Variants in NCKAP5 observed in about 807,000 individuals in gnomAD.
NCKAP5 encodes the protein NCK associated protein 5.
A neutral mutation model predicts 167.0 loss-of-function variants in NCKAP5; 92 were observed. The ratio of observed to expected loss-of-function variants is 0.55; its 90% confidence interval spans 0.47 to 0.66. The LOEUF is 0.66. Ranked by LOEUF, NCKAP5 falls within the 30% of genes least tolerant of loss-of-function variation. NCKAP5 has a pLI of 0.00. For synonymous variants in NCKAP5, 891 were observed against 877.4 expected (o/e 1.02, Z -0.27); for missense variants, 2,378 against 2,315.0 (o/e 1.03, Z -0.56).
intron 10 of NCKAP5, among the ~76,000 whole-genome samples, chr2:132,862,296 A>T (rs1689974318): frequency 6.6e-6 from 1 of 152,254 alleles, no homozygotes; most frequent in South Asian, 2.1e-4. Context: ...AAGGGGGCAA[A>T]GAAACAGGCC....
At chr2:133,073,158 C>G (rs2080476128) in intron 6 of NCKAP5, among the ~76,000 whole-genome samples, 1 of 151,994 alleles carries the variant, frequency 6.6e-6, no homozygotes. Context: ...AACAGAAAAT[C>G]AAGGAAATCC....
At chr2:133,603,030 C>A in the NCKAP5 span, among the ~76,000 whole-genome samples, 1 of 152,090 alleles carries the variant, frequency 6.6e-6, no homozygotes, top group Non-Finnish European at 1.5e-5. Flanking sequence ...CCCTCACATA[C>A]ACAAGGATGA....
At chr2:133,012,011 C>T (rs953307313) in intron 6 of NCKAP5, among the ~76,000 whole-genome samples, 5 of 152,132 alleles carry the variant, frequency 3.3e-5, no homozygotes, top group Admixed American at 6.5e-5. Flanking sequence ...CTCTTCATAG[C>T]TGTTTTTATC....
intron 3 of NCKAP5, among the ~76,000 whole-genome samples, chr2:133,513,214 A>G (rs73003147): frequency 0.12 from 17,767 of 152,230 alleles, 1,925 homozygotes; most frequent in African/African-American, 0.28. Context: ...AAGGTATGGG[A>G]AAAGAAAAGG....
chr2:133,062,112 A>G (rs2080028073), intron 6 of NCKAP5, among the ~76,000 whole-genome samples: 2 of 152,364 alleles, frequency 1.3e-5, no homozygotes, highest in Admixed American at 6.5e-5. Flanking sequence ...TGCTATCCAT[A>G]GCCCTAGATG....
chr2:133,158,878 G>C (rs947026352), intron 5 of NCKAP5, among the ~76,000 whole-genome samples: 1 of 150,446 alleles, frequency 6.6e-6, no homozygotes, highest in Non-Finnish European at 1.5e-5. Context: ...GGTCAAAAGG[G>C]AGAGGGAATA....
At chr2:132,722,286 C>T (rs1689997973) in intron 19 of NCKAP5, among the ~76,000 whole-genome samples, 1 of 152,212 alleles carries the variant, frequency 6.6e-6, no homozygotes, top group Admixed American at 6.5e-5. Context: ...TCCTCCCCCT[C>T]CATTCCTACT....
chr2:133,516,700 T>G (rs1447468117), intron 3 of NCKAP5, among the ~76,000 whole-genome samples: 1 of 152,092 alleles, frequency 6.6e-6, no homozygotes, highest in Non-Finnish European at 1.5e-5. Flanking sequence ...CATATACAAG[T>G]GAATAAAGCA....
chr2:133,152,174 G>T (rs2083405489), intron 5 of NCKAP5, among the ~76,000 whole-genome samples: 1 of 152,092 alleles, frequency 6.6e-6, no homozygotes, highest in Non-Finnish European at 1.5e-5. Context: ...CTTTTAAAAG[G>T]TCTTTTGATC....
chr2:133,338,618 C>T (rs148325520), intron 3 of NCKAP5, among the ~76,000 whole-genome samples: 1 of 152,264 alleles, frequency 6.6e-6, no homozygotes, highest in African/African-American at 2.4e-5. Flanking sequence ...ATGGTGTTAT[C>T]AAGACTAAAA....
At chr2:133,500,574 G>C (rs1682415335) in intron 3 of NCKAP5, among the ~76,000 whole-genome samples, 1 of 152,164 alleles carries the variant, frequency 6.6e-6, no homozygotes, top group South Asian at 2.1e-4. Flanking sequence ...CAGCAAAACA[G>C]CACCCCTAAA....
rs563288553 is a variant in NCKAP5 at position 133,283,278 on chromosome 2, G to A, written c.143+19759C>T. 3.9e-5 allele frequency among the ~76,000 whole-genome samples: 6 copies of A among 152,288 alleles called. No individual in the cohort carries two copies. In the East Asian group the frequency reaches 1.2e-3, roughly 29 times the overall value. On this transcript the variant is annotated intron_variant, in intron 4 of 19. Transcript: ENST00000409261. ...TAAGATTGACCATTTGAAGGAGGTA[G>A]AGGAGAAATAGTTTTTTTTTAAAAG...
In NCKAP5 at chr2:132,982,084, G is replaced by A. The variant is rs563917882; in HGVS notation, c.429+12068C>T. Among the ~76,000 whole-genome samples the A allele has an allele frequency of 2.0e-5, 3 of 152,354 alleles. No homozygotes were observed. The South Asian group carries it at 6.2e-4, about 32-fold the overall frequency. Reference sequence around the variant, plus strand: ...ACTGGCCATAGAAGTACAGTAAGGTGAGGCAGGAAGAATTTGGCTATGTGA... The same window carrying A: ...ACTGGCCATAGAAGTACAGTAAGGTAAGGCAGGAAGAATTTGGCTATGTGA... On this transcript the variant is annotated intron_variant, in intron 7 of 19. Coordinates refer to ENST00000409261, the MANE Select transcript of NCKAP5 (RefSeq NM_207363.3).
At chr2:133,160,941 C>T (rs942838462) in intron 5 of NCKAP5, among the ~76,000 whole-genome samples, 53 of 152,226 alleles carry the variant, frequency 3.5e-4, no homozygotes, top group African/African-American at 1.2e-3. Flanking sequence ...GTGTCCCCAG[C>T]CCCCAAGCTG....
chr2:133,156,997 A>G (rs1031085882), intron 5 of NCKAP5, among the ~76,000 whole-genome samples: 2 of 152,132 alleles, frequency 1.3e-5, no homozygotes, highest in East Asian at 1.9e-4. Flanking sequence ...ACTCTGTATC[A>G]TACTGTGTAT....
chr2:132,807,495 T>C (rs1204519977), intron 11 of NCKAP5, among the ~76,000 whole-genome samples: 21 of 152,174 alleles, frequency 1.4e-4, no homozygotes, highest in Admixed American at 1.3e-3. Flanking sequence ...GGTATATTCC[T>C]AAGTATTTAA....
chr2:133,089,310 AAT>A (rs1388083604), intron 6 of NCKAP5, among the ~76,000 whole-genome samples: 1 of 152,230 alleles, frequency 6.6e-6, no homozygotes, highest in Non-Finnish European at 1.5e-5. Flanking sequence ...AAAAATGAGA[AAT>A]ATTTTTAAAA....
chr2:132,693,207 C>A (rs2105160175), intron 19 of NCKAP5, among the ~76,000 whole-genome samples: 1 of 152,254 alleles, frequency 6.6e-6, no homozygotes, highest in Non-Finnish European at 1.5e-5. Flanking sequence ...TGAACTAGGT[C>A]CCCTAAAAAG....
intron 16 of NCKAP5, among the ~76,000 whole-genome samples, chr2:132,743,803 A>T (rs910751782): frequency 6.6e-6 from 1 of 151,724 alleles, no homozygotes; most frequent in Non-Finnish European, 1.5e-5. Flanking sequence ...TAGATAAAAC[A>T]TTCATTTTAA....
Sources: gnomAD v4.1 joint callset for allele counts (sites outside exome capture counted in the v4.1 genomes callset) on GRCh38, gnomAD v4.1.1 for gene constraint, MANE v1.5 for transcripts, NCBI Gene and HGNC (gene_info 2026-07-23, HGNC 2026-07-21) for gene names.